Variants in NKAIN3 observed in about 807,000 individuals in gnomAD.
NKAIN3 encodes the protein sodium/potassium-transporting ATPase subunit beta-1-interacting protein 3.
A neutral mutation model predicts 30.2 loss-of-function variants in NKAIN3; 25 were observed. That is an observed-to-expected ratio of 0.83 (90% CI 0.60 to 1.16). NKAIN3 has a LOEUF of 1.16. Ranked by LOEUF, NKAIN3 falls within the 50% of genes most tolerant of loss-of-function variation. The pLI is 0.00. For synonymous variants in NKAIN3, 91 were observed against 89.6 expected (o/e 1.02, Z -0.09); for missense variants, 225 against 254.1 (o/e 0.89, Z 0.78).
At chr8:62,341,660 A>C (rs1815751016) in intron 1 of NKAIN3, among the ~76,000 whole-genome samples, 1 of 151,952 alleles carries the variant, frequency 6.6e-6, no homozygotes, top group African/African-American at 2.4e-5. Flanking sequence ...GTCAAACCTG[A>C]TGTCTTTTTG....
intron 1 of NKAIN3, among the ~76,000 whole-genome samples, chr8:62,566,302 T>C (rs1410278438): frequency 6.6e-6 from 1 of 152,130 alleles, no homozygotes; most frequent in Non-Finnish European, 1.5e-5. Context: ...TGGACACCCA[T>C]TTACTATAGC....
intron 3 of NKAIN3, among the ~76,000 whole-genome samples, chr8:62,717,904 A>G (rs1356738962): frequency 6.6e-6 from 1 of 152,164 alleles, no homozygotes; most frequent in Non-Finnish European, 1.5e-5. Context: ...GTATCAGTCC[A>G]TTCTCACACT....
intron 1 of NKAIN3, among the ~76,000 whole-genome samples, chr8:62,440,838 G>A (rs1374899221): frequency 6.6e-6 from 1 of 152,122 alleles, no homozygotes; most frequent in Non-Finnish European, 1.5e-5. Context: ...TCTGGCTATT[G>A]CAAGAGTTTA....
At chr8:62,567,966 G>A (rs187207270) in intron 1 of NKAIN3, among the ~76,000 whole-genome samples, 160 of 152,214 alleles carry the variant, frequency 1.1e-3, no homozygotes, top group African/African-American at 3.8e-3. Flanking sequence ...TTTCACATGT[G>A]TATCAAATTA....
At chr8:62,326,130 T>C (rs556905138) in intron 1 of NKAIN3, among the ~76,000 whole-genome samples, 1 of 152,086 alleles carries the variant, frequency 6.6e-6, no homozygotes, top group African/African-American at 2.4e-5. Flanking sequence ...TAAAAATAAT[T>C]ATTGGCTTTG....
chr8:62,519,466 A>G (rs867811810), intron 1 of NKAIN3, among the ~76,000 whole-genome samples: 11 of 152,150 alleles, frequency 7.2e-5, no homozygotes, highest in African/African-American at 2.7e-4. Context: ...CATATACTCA[A>G]TATGAATGCC....
intron 1 of NKAIN3, among the ~76,000 whole-genome samples, chr8:62,502,859 T>A (rs1003882344): frequency 3.3e-5 from 5 of 152,240 alleles, no homozygotes. Context: ...TGTCTTCAGA[T>A]GGACCAGGGT....
intron 4 of NKAIN3, among the ~76,000 whole-genome samples, chr8:62,891,491 T>C (rs953839586): frequency 1.3e-5 from 2 of 152,196 alleles, no homozygotes; most frequent in East Asian, 1.9e-4. Context: ...GGACTTCACA[T>C]TGTGATCATG....
intron 1 of NKAIN3, among the ~76,000 whole-genome samples, chr8:62,380,217 G>C (rs574202735): frequency 6.6e-6 from 1 of 152,258 alleles, no homozygotes; most frequent in African/African-American, 2.4e-5. Flanking sequence ...TCCCTGTTAT[G>C]AGAAGAGTTT....
chr8:62,508,534 G>A (rs1807716143), intron 1 of NKAIN3, among the ~76,000 whole-genome samples: 1 of 152,050 alleles, frequency 6.6e-6, no homozygotes, highest in Non-Finnish European at 1.5e-5. Flanking sequence ...CATTGTCCGG[G>A]GACCAGTTAG....
intron 1 of NKAIN3, among the ~76,000 whole-genome samples, chr8:62,326,895 T>A (rs1033516996): frequency 3.3e-5 from 5 of 152,062 alleles, no homozygotes; most frequent in Non-Finnish European, 5.9e-5. Flanking sequence ...TTACACAGTG[T>A]CCTGCATCAT....
At position 62,934,225 on chromosome 8, in the gene NKAIN3, A is replaced by G. The variant is rs182770628; in HGVS notation, c.532+15712A>G. On this transcript the variant is annotated intron_variant, in intron 5 of 6. Coordinates refer to ENST00000623646, the MANE Select transcript of NKAIN3 (RefSeq NM_001304533.3). The stretch of plus-strand genomic sequence containing the variant: ...CATGGTGAGACCTTCTCTCTAAAAA[A>G]AAGGAAAGAAAGAAAAGTAGCAGGG... Among the ~76,000 whole-genome samples, 1,065 of 151,506 alleles carry G rather than the reference A, an allele frequency of 7.0e-3. 6 individuals are homozygous for G. Among genetic ancestry groups the G allele is most frequent in the Non-Finnish European group, 0.012 (807 of 67,966 alleles).
intron 1 of NKAIN3, among the ~76,000 whole-genome samples, chr8:62,264,792 T>C (rs983692887): frequency 2.0e-5 from 3 of 152,186 alleles, no homozygotes; most frequent in Non-Finnish European, 4.4e-5. Flanking sequence ...TCCATTGTGA[T>C]GGTAAAATTA....
chr8:62,752,607 A>G (rs1816321590), intron 4 of NKAIN3, among the ~76,000 whole-genome samples: 1 of 152,222 alleles, frequency 6.6e-6, no homozygotes. Flanking sequence ...AAAAAATATC[A>G]GAATTATTAC....
rs1393483655 is a variant in NKAIN3 at position 62,377,830 on chromosome 8, G to A, written c.54+128703G>A. On this transcript the variant is annotated intron_variant, in intron 1 of 6. Transcript: ENST00000623646. Reference sequence around the variant, plus strand: ...CCTTCCCAGCTATGCAGAACTATGAGTCAATTAAACCTCTTTTCTTTATAA... The same window carrying A: ...CCTTCCCAGCTATGCAGAACTATGAATCAATTAAACCTCTTTTCTTTATAA... Among the ~76,000 whole-genome samples, 3 of 152,148 alleles carry A rather than the reference G, an allele frequency of 2.0e-5. 1 individual carries two copies. The highest frequency in any genetic ancestry group is 4.4e-5 in the Non-Finnish European group (3 of 68,034).
intron 1 of NKAIN3, among the ~76,000 whole-genome samples, chr8:62,514,155 C>G (rs1021119861): frequency 1.3e-5 from 2 of 152,084 alleles, no homozygotes; most frequent in Non-Finnish European, 2.9e-5. Context: ...TTTGAAAAAG[C>G]TCATTTTGCA....
At chr8:62,280,405 C>T (rs1053346508) in intron 1 of NKAIN3, among the ~76,000 whole-genome samples, 8 of 152,074 alleles carry the variant, frequency 5.3e-5, no homozygotes, top group Non-Finnish European at 8.8e-5. Flanking sequence ...GATCGTCCAA[C>T]ATTATATTGA....
rs559738504 is a variant in NKAIN3, at chr8:62,797,408, G to A, written c.471+50279G>A. 1.0e-3 allele frequency among the ~76,000 whole-genome samples: 153 copies of A among 152,282 alleles called. 2 individuals are homozygous for A. Among genetic ancestry groups the A allele is most frequent in the African/African-American group, 3.6e-3 (151 of 41,558 alleles). Reference sequence around the variant, plus strand: ...AAAAGAATGATTCTACCAAAATCTTGCAGATGATGAGCAGTTAAAATAATG... The same window carrying A: ...AAAAGAATGATTCTACCAAAATCTTACAGATGATGAGCAGTTAAAATAATG... On this transcript the variant is annotated intron_variant, in intron 4 of 6. Coordinates refer to ENST00000623646, the MANE Select transcript of NKAIN3 (RefSeq NM_001304533.3).
intron 1 of NKAIN3, among the ~76,000 whole-genome samples, chr8:62,440,172 C>CTTTTTTTTTTTTTTTTTTTTTTTTTTT: frequency 6.6e-6 from 1 of 152,240 alleles, no homozygotes; most frequent in East Asian, 1.9e-4. Context: ...TCAGAGTCTT[C>CTTTTTTTTTTTTTTTTTTTTTTTTTTT]TTATTTACCT....
Sources: allele counts gnomAD v4.1 joint callset (sites outside exome capture counted in the v4.1 genomes callset), GRCh38; gene constraint gnomAD v4.1.1; transcripts MANE v1.5; gene names NCBI Gene and HGNC (gene_info 2026-07-23, HGNC 2026-07-21).